The following CPNE7 variants were observed in gnomAD, a reference collection of about 807,000 sequenced individuals.
CPNE7 encodes copine-7.
A neutral mutation model predicts 66.5 loss-of-function variants in CPNE7; 78 were observed. That is an observed-to-expected ratio of 1.17 (90% CI 0.98 to 1.42). The LOEUF is 1.42. Among genes scored for constraint, CPNE7 ranks in the 40% most tolerant of loss-of-function variants. CPNE7 has a pLI of 0.00. For synonymous variants in CPNE7, 468 were observed against 336.7 expected, an observed-to-expected ratio of 1.39 and a Z score of -4.27; for missense variants, 1,012 against 776.6, an observed-to-expected ratio of 1.30 and a Z score of -3.60.
chr16:89,592,397 G>A (rs373709446), intron 13 of CPNE7, among the ~76,000 whole-genome samples: 2 of 151,178 alleles, frequency 1.3e-5, no homozygotes, highest in South Asian at 2.1e-4. Flanking sequence ...CACACATTGC[G>A]CTCCTGCTTC....
rs1380680573 is a variant in CPNE7 at position 89,596,832 on chromosome 16, C to G, written c.*211C>G. On this transcript the variant is annotated 3_prime_UTR_variant, in exon 15 of 15. Transcript: ENST00000319518. ...GGGTGACAAAATACAGGCCCCCATG[C>G]CTGGCCCTGCCTGAGCCAGGTGGGT... 2 of 507,164 alleles carry G rather than the reference C, an allele frequency of 3.9e-6. No homozygotes were observed. The highest frequency in any genetic ancestry group is 4.0e-5 in the African/African-American group (2 of 50,220). The allele number at this position is 507,164 out of a possible 1,614,324, so 31.4% of individuals were successfully genotyped here. A position where few individuals can be genotyped will look rare whatever the true frequency, so the allele number is the denominator to read the frequency against.
At position 89,575,879 on chromosome 16, in the gene CPNE7, G is replaced by T; in HGVS notation, c.-19G>T. The T allele has an allele frequency of 8.3e-7, 1 of 1,205,116 alleles. No homozygotes were observed. The allele number at this position is 1,205,116 out of a possible 1,614,324, so 74.7% of individuals were successfully genotyped here. A position where few individuals can be genotyped will look rare whatever the true frequency, so the allele number is the denominator to read the frequency against. On this transcript the variant is annotated 5_prime_UTR_variant, in exon 1 of 15. Transcript: ENST00000319518. ...GCGGCCCCTCAGTGCGCCCAGCCGGGCCCCCGAACGCCGGGAGCATGAGCG... is the reference window on the plus strand; with the variant it reads ...GCGGCCCCTCAGTGCGCCCAGCCGGTCCCCCGAACGCCGGGAGCATGAGCG...
At chr16:89,576,663 G>T (rs2058865067) in intron 1 of CPNE7, among the ~76,000 whole-genome samples, 1 of 152,190 alleles carries the variant, frequency 6.6e-6, no homozygotes, top group African/African-American at 2.4e-5. Flanking sequence ...TCGAAAGGGC[G>T]AGAAACGCAT....
chr16:89,577,043 A>G (rs914375408), intron 1 of CPNE7, among the ~76,000 whole-genome samples: 4 of 152,104 alleles, frequency 2.6e-5, no homozygotes, highest in African/African-American at 9.7e-5. Context: ...GAGGTGCAGG[A>G]TTTTTCAGGA....
At chr16:89,596,031 C>T (rs932933948) in intron 14 of CPNE7, 8 of 467,252 alleles carry the variant, frequency 1.7e-5, no homozygotes, top group African/African-American at 5.9e-5. Flanking sequence ...ACATGTCACA[C>T]ATGAGGCCCT....
At chr16:89,589,580 A>G (rs2059138252) in intron 10 of CPNE7, among the ~76,000 whole-genome samples, 1 of 152,152 alleles carries the variant, frequency 6.6e-6, no homozygotes, top group African/African-American at 2.4e-5. Context: ...TGAGGGCCAC[A>G]GTGGGTTCCT....
intron 2 of CPNE7, among the ~76,000 whole-genome samples, chr16:89,581,369 C>T (rs2058957083): frequency 6.6e-6 from 1 of 152,252 alleles, no homozygotes; most frequent in Non-Finnish European, 1.5e-5. Flanking sequence ...TCACACGGAA[C>T]ATCCCGTCAC....
intron 7 of CPNE7, among the ~76,000 whole-genome samples, chr16:89,586,020 G>A (rs1292144756): frequency 8.7e-6 from 1 of 114,524 alleles, no homozygotes; most frequent in Non-Finnish European, 1.8e-5. Flanking sequence ...CCAGGGAGGG[G>A]CAGTTAGCAG....
intron 2 of CPNE7, 85 bp downstream of exon 2, chr16:89,577,806 G>T: frequency 7.0e-7 from 1 of 1,426,734 alleles, no homozygotes. Context: ...AGCACCGCAG[G>T]GACCCTGCTG....
intron 5 of CPNE7, among the ~76,000 whole-genome samples, 166 bp downstream of exon 5, chr16:89,585,023 G>A (rs1481596206): frequency 6.6e-6 from 1 of 152,188 alleles, no homozygotes; most frequent in African/African-American, 2.4e-5. Context: ...CGCAGGCGCA[G>A]GGCCCTGGGG....
chr16:89,586,958 G>A, intron 8 of CPNE7, 85 bp from the exon 9 acceptor site: 2 of 1,379,872 alleles, frequency 1.4e-6, no homozygotes, highest in Admixed American at 2.0e-5. Context: ...GGACTGGGCT[G>A]CCTGCGGGAG....
chr16:89,586,580 C>T (rs544023691), intron 7 of CPNE7, 90 bp from the exon 8 acceptor site: 72 of 1,051,648 alleles, frequency 6.8e-5, no homozygotes, highest in Non-Finnish European at 9.0e-5. Context: ...GGCCCTCTGC[C>T]GTCGCTATTG....
At chr16:89,590,842 ACCGAGCC>A (rs2151455013) in intron 11 of CPNE7, among the ~76,000 whole-genome samples, 158 bp from the exon 12 acceptor site, 3 of 76,132 alleles carry the variant, frequency 3.9e-5, no homozygotes, top group Admixed American at 3.2e-4. Flanking sequence ...GGAGCAGCTG[ACCGAGCC>A]CTCTTTAGTA....
intron 13 of CPNE7, among the ~76,000 whole-genome samples, chr16:89,592,541 C>T (rs1242900446): frequency 6.7e-6 from 1 of 149,956 alleles, no homozygotes; most frequent in Non-Finnish European, 1.5e-5. Context: ...CCTCCGAGTT[C>T]AAGCAATTCT....
chr16:89,593,684 G>A (rs1038704774), intron 13 of CPNE7, among the ~76,000 whole-genome samples: 3 of 152,170 alleles, frequency 2.0e-5, no homozygotes, highest in Admixed American at 6.5e-5. Flanking sequence ...TATTTCCTAA[G>A]ATCAAAGATA....
At position 89,591,610 on chromosome 16, in the gene CPNE7, C is replaced by T. The variant is rs557622255; in HGVS notation, c.1302+350C>T. On this transcript the variant is annotated intron_variant, in intron 13 of 14. Transcript: ENST00000319518. ...GTGTCTTTCCTTTGCACAAATGATA[C>T]GGTGCCGAGAACTGCACTGGATTCT... Among the ~76,000 whole-genome samples, 11 of 152,282 alleles carry T rather than the reference C, an allele frequency of 7.2e-5. No homozygotes were observed. The South Asian group carries it at 1.4e-3, about 20-fold the overall frequency.
At chr16:89,591,419 C>T (rs557091500) in intron 13 of CPNE7, among the ~76,000 whole-genome samples, 159 bp downstream of exon 13, 5 of 152,300 alleles carry the variant, frequency 3.3e-5, no homozygotes, top group African/African-American at 7.2e-5. Flanking sequence ...TGGTTGACTA[C>T]GTCTCCCTCA....
rs796413494 is a variant in CPNE7, at chr16:89,592,369, G to A, written c.1302+1109G>A. Among the ~76,000 whole-genome samples, 223 of 151,446 alleles carry A rather than the reference G, an allele frequency of 1.5e-3. 4 individuals carry two copies. Among genetic ancestry groups the A allele is most frequent in the African/African-American group, 5.2e-3 (214 of 41,092 alleles). On this transcript the variant is annotated intron_variant, in intron 13 of 14. Transcript: ENST00000319518. ...CAAGAGCTCTGAGGTCCTGCAACCC[G>A]TGAGGCCAACAGCTGCTCACACATT...
chr16:89,581,414 C>T (rs1023096849), intron 2 of CPNE7, among the ~76,000 whole-genome samples: 1 of 152,240 alleles, frequency 6.6e-6, no homozygotes. Context: ...GGCCAGCTCC[C>T]CGCCTGGTTC....
Sources: allele counts gnomAD v4.1 joint callset (sites outside exome capture counted in the v4.1 genomes callset), GRCh38; gene constraint gnomAD v4.1.1; transcripts MANE v1.5; gene names NCBI Gene and HGNC (gene_info 2026-07-23, HGNC 2026-07-21).